The following WDR6 variants were observed in gnomAD, a reference collection of about 807,000 sequenced individuals.
WDR6 encodes WD repeat domain 6.
A neutral mutation model predicts 85.6 loss-of-function variants in WDR6; 58 were observed. The observed-to-expected ratio is 0.68, with a 90% CI of 0.55 to 0.84. The LOEUF (loss-of-function observed/expected upper bound fraction) is 0.84. Ranked by LOEUF, WDR6 falls within the 40% of genes least tolerant of loss-of-function variation. The pLI is 0.00. For synonymous variants in WDR6, 569 were observed against 582.2 expected, an observed-to-expected ratio of 0.98 and a Z score of 0.33; for missense variants, 1,310 against 1,476.4, an observed-to-expected ratio of 0.89 and a Z score of 1.85.
chr3:49,013,826 C>G lies in WDR6; in HGVS notation c.2292C>G (p.Ala764=), dbSNP rs371462548. The G allele has an allele frequency of 1.2e-6, 2 of 1,614,116 alleles. No homozygotes were observed. Among genetic ancestry groups the G allele is most frequent in the Non-Finnish European group, 1.7e-6 (2 of 1,180,014 alleles). ...VLALPTTTGS[A]HALTAVCNHI... is the part of the protein sequence containing the mutation. ...CACTCCCTACAACCACAGGCTCAGC[C>G]CACGCACTCACAGCTGTTTGTAACC... Residue 764 remains alanine, a synonymous_variant, in exon 2 of 6, where the codon GCC becomes GCG. Coordinates refer to ENST00000608424, the MANE Select transcript of WDR6 (RefSeq NM_018031.6). This position sits in a 1 kb window ranked among gnomAD's most constrained non-coding sequence, Gnocchi z 4.6.
At position 49,007,630 on chromosome 3, in the gene WDR6, G is replaced by A. The variant is rs1576610934; in HGVS notation, c.100+99G>A. 4.2e-6 allele frequency: 6 copies of A among 1,415,982 alleles called. No homozygotes were observed. In the South Asian group the frequency reaches 7.8e-5, roughly 18 times the overall value. 87.7% of individuals were successfully genotyped at this position (1,415,982 alleles called of 1,614,324 possible). On this transcript the variant is annotated intron_variant, in intron 1 of 5. Transcript: ENST00000608424. The surrounding 1 kb of genome is among the most constrained non-coding windows in gnomAD (Gnocchi z 5.1). ...GACAAAAGGGGTGCCCTGAGGAGAA[G>A]GACGGGCAGCAGGTTGAGGCCGATC...
rs1254082132 is a variant in WDR6 at position 49,015,801 on chromosome 3, C to T, written c.*513C>T. ...GTCCCACCCCATTTTGCTGTGTGCT[C>T]ACCCCCAGGATGTGTACCCGGTTGT... is the stretch of plus-strand genomic sequence containing the variant. On this transcript the variant is annotated 3_prime_UTR_variant, in exon 6 of 6. Coordinates refer to ENST00000608424, the MANE Select transcript of WDR6 (RefSeq NM_018031.6). 7 of 1,614,036 alleles carry T rather than the reference C, an allele frequency of 4.3e-6. No homozygotes were observed. Among genetic ancestry groups the T allele is most frequent in the Admixed American group, 3.3e-5 (2 of 59,988 alleles).
At chr3:49,008,685 G>C (rs775659031) in intron 1 of WDR6, among the ~76,000 whole-genome samples, 1 of 152,138 alleles carries the variant, frequency 6.6e-6, no homozygotes, top group African/African-American at 2.4e-5. Flanking sequence ...CTGGACAAGC[G>C]AGCAGAGGCC....
At position 49,013,666 on chromosome 3, in the gene WDR6, G is replaced by C. The variant is rs1479737197; in HGVS notation, c.2132G>C (p.Gly711Ala). 6.2e-7 allele frequency: 1 copy of C among 1,614,108 alleles called. No individual in the cohort carries two copies. The highest frequency in any genetic ancestry group is 1.1e-5 in the South Asian group (1 of 91,084). ...GAGATCACTTGTGTAAAGCGTGTGG[G>C]CACCATTACCCTGGGGCCTGAATAT... Reference protein sequence around the residue: ...GREITCVKRVGTITLGPEYGV... With the variant: ...GREITCVKRVATITLGPEYGV... Residue 711 changes from glycine (G) to alanine (A), a missense_variant, in exon 2 of 6, where the codon GGC (glycine) becomes GCC (alanine). By Grantham distance (60) the Gly-to-Ala change is moderately conservative. Transcript: ENST00000608424. This position sits in a 1 kb window ranked among gnomAD's most constrained non-coding sequence, Gnocchi z 4.6.
chr3:49,014,016 C>T lies in WDR6; in HGVS notation c.2482C>T (p.Leu828Phe), dbSNP rs1025879344. The part of the protein sequence containing the change: ...VTPDPSTPSR[L>F]ACHVMHLSSH... The stretch of plus-strand genomic sequence containing the variant: ...TCCGGACCCCAGCACCCCAAGCCGC[C>T]TCGCCTGCCATGTCATGCACCTTTC... Residue 828 changes from leucine (L) to phenylalanine (F), a missense_variant, in exon 2 of 6, where the codon CTC becomes TTC. Leu to Phe is a conservative substitution (Grantham distance 22). Transcript: ENST00000608424. The surrounding 1 kb of genome is among the most constrained non-coding windows in gnomAD (Gnocchi z 4.9). 1.9e-6 allele frequency: 3 copies of T among 1,611,906 alleles called. No homozygotes were observed. Among genetic ancestry groups the T allele is most frequent in the African/African-American group, 1.3e-5 (1 of 74,908 alleles).
chr3:49,011,307 G>T (rs573777659), intron 1 of WDR6: 1 of 547,924 alleles, frequency 1.8e-6, no homozygotes, highest in Non-Finnish European at 2.9e-6. Context: ...CTGAACCCCT[G>T]ACCTCAGGTG....
chr3:49,007,675 C>T lies in WDR6; in HGVS notation c.100+144C>T, dbSNP rs2092990818. The T allele has an allele frequency of 7.5e-7, 1 of 1,333,176 alleles. No homozygotes were observed. Among genetic ancestry groups the T allele is most frequent in the South Asian group, 1.9e-5 (1 of 51,678 alleles). 82.6% of individuals were successfully genotyped at this position (1,333,176 alleles called of 1,614,324 possible). ...CCGATCGGAGGTGGGAAGGGAGCCC[C>T]GGAGATGGCGGGGACGAGGGCCAAC... On this transcript the variant is annotated intron_variant, in intron 1 of 5. Transcript: ENST00000608424. This position sits in a 1 kb window ranked among gnomAD's most constrained non-coding sequence, Gnocchi z 5.1.
chr3:49,013,794 G>T lies in WDR6; in HGVS notation c.2260G>T (p.Val754Phe), dbSNP rs1298827922. Residue 754 changes from valine to phenylalanine, a missense_variant, in exon 2 of 6, where the codon GTC becomes TTC. Val to Phe is a conservative substitution (Grantham distance 50, BLOSUM62 -1). Transcript: ENST00000608424. The surrounding 1 kb of genome is among the most constrained non-coding windows in gnomAD (Gnocchi z 4.6). Reference sequence around the variant, plus strand: ...ATGTAGTGAGGACACTACTGTCTGTGTCCTAGCACTCCCTACAACCACAGG... The same window carrying T: ...ATGTAGTGAGGACACTACTGTCTGTTTCCTAGCACTCCCTACAACCACAGG... ...ITCSEDTTVC[V>F]LALPTTTGSA... 2 of 1,613,994 alleles carry T rather than the reference G, an allele frequency of 1.2e-6. No individual in the cohort carries two copies. The highest frequency in any genetic ancestry group is 1.7e-6 in the Non-Finnish European group (2 of 1,180,002).
intron 1 of WDR6, 95 bp from the exon 2 acceptor site, chr3:49,011,540 C>G (rs962409182): frequency 3.1e-6 from 5 of 1,612,478 alleles, no homozygotes; most frequent in Non-Finnish European, 4.2e-6. Context: ...CATTCATAGG[C>G]TACATGCCGA....
rs1309878624 is a variant in WDR6, at chr3:49,007,428, C to T, written c.-4C>T. The T allele has an allele frequency of 1.9e-6, 3 of 1,609,862 alleles. No individual in the cohort carries two copies. In the Admixed American group the frequency reaches 5.0e-5, roughly 27 times the overall value. The stretch of plus-strand genomic sequence containing the variant: ...GTGGCTGCCTCAGCACCTCGAGGAT[C>T]GACATGGACGCTCTCGAGGACTACG... On this transcript the variant is annotated 5_prime_UTR_variant, in exon 1 of 6. Transcript: ENST00000608424. The surrounding 1 kb of genome is among the most constrained non-coding windows in gnomAD (Gnocchi z 5.1).
Position 49,012,415 on chromosome 3 carries a change from G to C in WDR6, c.881G>C (p.Arg294Pro), listed in dbSNP as rs755268680. Residue 294 changes from arginine to proline, a missense_variant, in exon 2 of 6, where the codon CGG becomes CCG. Physicochemically the swap from Arg to Pro is moderately radical, Grantham distance 103. Coordinates refer to ENST00000608424, the MANE Select transcript of WDR6 (RefSeq NM_018031.6). This position sits in a 1 kb window ranked among gnomAD's most constrained non-coding sequence, Gnocchi z 4.4. ...SHEGEILQAF[R>P]GHQGRGIRAI... ...GAAGGTGAGATCCTCCAGGCCTTTC[G>C]GGGACACCAGGGACGTGGGATCCGG... 6.2e-7 allele frequency: 1 copy of C among 1,614,180 alleles called. No individual in the cohort carries two copies. Among genetic ancestry groups the C allele is most frequent in the Admixed American group, 1.7e-5 (1 of 60,026 alleles).
Position 49,007,520 on chromosome 3 carries a change from G to T in WDR6, c.89G>T (p.Arg30Leu), listed in dbSNP as rs373764196. ...ACGGGTCTGGAGTGCGTGGGGGACC[G>T]GCTGTTGGCGGGTGAGGCTTGGCTT... ...PVTGLECVGD[R>L]LLAGEGPDVL... Residue 30 changes from arginine to leucine, a missense_variant, in exon 1 of 6, where the codon CGG (arginine) becomes CTG (leucine). Transcript: ENST00000608424. This position sits in a 1 kb window ranked among gnomAD's most constrained non-coding sequence, Gnocchi z 5.1. 6.3e-7 allele frequency: 1 copy of T among 1,596,278 alleles called. No individual in the cohort carries two copies. Among genetic ancestry groups the T allele is most frequent in the African/African-American group, 1.3e-5 (1 of 74,682 alleles).
Position 49,014,492 on chromosome 3 carries a change from C to CA in WDR6, c.2777dup (p.Arg927GlufsTer12), listed in dbSNP as rs1231405859. 3.7e-6 allele frequency: 6 copies of CA among 1,614,124 alleles called. No homozygotes were observed. Among genetic ancestry groups the CA allele is most frequent in the Non-Finnish European group, 5.1e-6 (6 of 1,180,018 alleles). Reference sequence around the variant, plus strand: ...CTCCTTTACACACGAGGCACCCAACCAGAGGCGGTGAGAGGGGCTGGATGA... The same window carrying CA: ...CTCCTTTACACACGAGGCACCCAACCAAGAGGCGGTGAGAGGGGCTGGATGA... On this transcript the variant is annotated frameshift_variant, in exon 4 of 6. Transcript: ENST00000608424. LOFTEE classifies it high-confidence loss of function. This position sits in a 1 kb window ranked among gnomAD's most constrained non-coding sequence, Gnocchi z 4.9.
chr3:49,013,889 T>C lies in WDR6; in HGVS notation c.2355T>C (p.Ile785=). ...SSVRAVAVWG[I]GTPGGPQDPQ... is the part of the protein sequence containing the mutation. Reference sequence around the variant, plus strand: ...TACGTGCTGTGGCTGTGTGGGGCATTGGCACCCCAGGTGGCCCTCAGGATC... The same window carrying C: ...TACGTGCTGTGGCTGTGTGGGGCATCGGCACCCCAGGTGGCCCTCAGGATC... Residue 785 remains isoleucine (I), a synonymous_variant, in exon 2 of 6, where the codon ATT becomes ATC. Coordinates refer to ENST00000608424, the MANE Select transcript of WDR6 (RefSeq NM_018031.6). The surrounding 1 kb of genome is among the most constrained non-coding windows in gnomAD (Gnocchi z 4.6). 1 of 1,613,936 alleles carries C rather than the reference T, an allele frequency of 6.2e-7. No individual in the cohort carries two copies. The highest frequency in any genetic ancestry group is 1.1e-5 in the South Asian group (1 of 91,082).
rs1315058703 is a variant in WDR6, at chr3:49,014,213, C to T, written c.2586C>T (p.Tyr862=). The part of the protein sequence containing the change: ...RMVKVDPETR[Y]MSLAVCELDQ... ...CAGCTGCATGTTGTCTCTGCAGGTA[C>T]ATGTCCCTTGCTGTGTGTGAACTTG... Residue 862 remains tyrosine, a synonymous_variant, in exon 3 of 6, where the codon TAC becomes TAT. Transcript: ENST00000608424. The surrounding 1 kb of genome is among the most constrained non-coding windows in gnomAD (Gnocchi z 4.9). The T allele has an allele frequency of 2.5e-5, 41 of 1,614,170 alleles. No individual in the cohort carries two copies. The highest frequency in any genetic ancestry group is 3.4e-5 in the Non-Finnish European group (40 of 1,180,020).
Position 49,012,713 on chromosome 3 carries a change from C to A in WDR6, c.1179C>A (p.Tyr393Ter), listed in dbSNP as rs1437446621. 6.2e-7 allele frequency: 1 copy of A among 1,613,940 alleles called. No homozygotes were observed. The highest frequency in any genetic ancestry group is 8.5e-7 in the Non-Finnish European group (1 of 1,180,026). ...TAGAGGATAAACATTTCCAGTCCTA[C>A]TGCCTGCTGGAGGCAGCTCCTGGTC... ...QLLEDKHFQS[Y>*]CLLEAAPGPE... The change falls in exon 2 of 6, where the codon TAC (tyrosine) becomes TAA (stop). Residue 393 changes from tyrosine to a stop codon, truncating the protein, a stop_gained. Coordinates refer to ENST00000608424, the MANE Select transcript of WDR6 (RefSeq NM_018031.6). LOFTEE classifies it high-confidence loss of function. The surrounding 1 kb of genome is among the most constrained non-coding windows in gnomAD (Gnocchi z 4.4).
rs1469951608 is a variant in WDR6 at position 49,014,163 on chromosome 3, TC to T, written c.2583-44del. 5 of 1,614,014 alleles carry T rather than the reference TC, an allele frequency of 3.1e-6. No homozygotes were observed. Among genetic ancestry groups the T allele is most frequent in the Non-Finnish European group, 4.2e-6 (5 of 1,180,012 alleles). On this transcript the variant is annotated intron_variant, in intron 2 of 5. Coordinates refer to ENST00000608424, the MANE Select transcript of WDR6 (RefSeq NM_018031.6). The surrounding 1 kb of genome is among the most constrained non-coding windows in gnomAD (Gnocchi z 4.9). ...GGTGTGGTATGGGTCATGCAGATGC[TC>T]CCAGGCTTGCAGGCTCCACCTGACA...
rs903794300 is a variant in WDR6, at chr3:49,007,820, C to T, written c.100+289C>T. Among the ~76,000 whole-genome samples the T allele has an allele frequency of 6.9e-6, 1 of 145,154 alleles. No individual in the cohort carries two copies. The highest frequency in any genetic ancestry group is 7.1e-5 in the Admixed American group (1 of 14,146). On this transcript the variant is annotated intron_variant, in intron 1 of 5. Coordinates refer to ENST00000608424, the MANE Select transcript of WDR6 (RefSeq NM_018031.6). This position sits in a 1 kb window ranked among gnomAD's most constrained non-coding sequence, Gnocchi z 5.1. ...GAGGGTGCAGGGGAACGCGGCCGCG[C>T]GGAGGCGGAGGCGGAGGCCCGGGAG...
rs1166237870 is a variant in WDR6, at chr3:49,012,365, T to C, written c.831T>C (p.Asp277=). The change falls in exon 2 of 6, where the codon GAT becomes GAC. Residue 277 remains aspartate, a synonymous_variant. Transcript: ENST00000608424. This position sits in a 1 kb window ranked among gnomAD's most constrained non-coding sequence, Gnocchi z 4.4. ...LENYLISAGE[D]CVCLVWSHEG... ...ATTACCTTATCAGTGCAGGAGAGGA[T>C]TGTGTCTGCTTGGTGTGGAGCCATG... 1.2e-6 allele frequency: 2 copies of C among 1,614,008 alleles called. No homozygotes were observed. The highest frequency in any genetic ancestry group is 1.3e-5 in the African/African-American group (1 of 74,890).
Sources: gnomAD v4.1 joint callset for allele counts (sites outside exome capture counted in the v4.1 genomes callset) on GRCh38, gnomAD v4.1.1 for gene constraint, Gnocchi (gnomAD v3.1) non-coding constraint, MANE v1.5 for transcripts, NCBI Gene and HGNC (gene_info 2026-07-23, HGNC 2026-07-21) for gene names.